CNNM1: variants seen among roughly 807,000 people sequenced by gnomAD.
CNNM1 encodes the protein cyclin and CBS domain divalent metal cation transport mediator 1, also known as metal transporter CNNM1.
Under a neutral mutation model 78.8 loss-of-function variants are expected in CNNM1, and 44 were observed. The ratio of observed to expected loss-of-function variants is 0.56; its 90% CI spans 0.44 to 0.72. CNNM1 has a LOEUF of 0.72. CNNM1 is among the 30% of genes least tolerant of loss of function. The pLI is 0.00. For synonymous variants in CNNM1, 584 were observed against 581.5 expected (o/e 1.00, Z -0.06); for missense variants, 1,101 against 1,292.2 (o/e 0.85, Z 2.27).
At chr10:99,341,560 G>A (rs768189913) in intron 1 of CNNM1, among the ~76,000 whole-genome samples, 1 of 152,158 alleles carries the variant, frequency 6.6e-6, no homozygotes. Context: ...TGGGTGATCT[G>A]AGAAAACTTT....
chr10:99,387,763 C>T (rs1023350305), intron 7 of CNNM1, 57 bp from the exon 8 acceptor site: 63 of 1,485,062 alleles, frequency 4.2e-5, no homozygotes, highest in Non-Finnish European at 5.4e-5. Context: ...GGAAGGCTGG[C>T]TGCATCCGGG....
intron 2 of CNNM1, among the ~76,000 whole-genome samples, chr10:99,357,893 G>A (rs1208684672): frequency 6.6e-6 from 1 of 152,184 alleles, no homozygotes; most frequent in Non-Finnish European, 1.5e-5. Context: ...ACTGAGCCAA[G>A]ACTATGAAAA....
intron 6 of CNNM1, among the ~76,000 whole-genome samples, chr10:99,375,913 C>T (rs542720752): frequency 6.6e-5 from 10 of 152,286 alleles, no homozygotes; most frequent in African/African-American, 2.2e-4. Context: ...GAGTCACCTT[C>T]GGTATCCTGT....
chr10:99,345,088 A>G (rs1224420029), intron 1 of CNNM1, among the ~76,000 whole-genome samples: 2 of 152,236 alleles, frequency 1.3e-5, no homozygotes, highest in East Asian at 3.8e-4. Flanking sequence ...TGGCTCCATC[A>G]CATACTAATA....
chr10:99,373,645 G>A (rs1157995140), intron 6 of CNNM1, among the ~76,000 whole-genome samples: 1 of 152,148 alleles, frequency 6.6e-6, no homozygotes, highest in Non-Finnish European at 1.5e-5. Flanking sequence ...TGAAGTCTGA[G>A]CTTTTAGTGT....
intron 6 of CNNM1, among the ~76,000 whole-genome samples, chr10:99,367,297 A>G (rs542333419): frequency 1.7e-4 from 26 of 152,274 alleles, no homozygotes; most frequent in African/African-American, 6.3e-4. Flanking sequence ...GCCTTTGAGG[A>G]TGAGGAGTGA....
chr10:99,349,643 A>G (rs1229570890), intron 1 of CNNM1, among the ~76,000 whole-genome samples: 1 of 152,208 alleles, frequency 6.6e-6, no homozygotes, highest in Non-Finnish European at 1.5e-5. Context: ...TTTGAGTAGC[A>G]CATGTCAAGA....
At chr10:99,367,913 G>C (rs1198168625) in intron 6 of CNNM1, among the ~76,000 whole-genome samples, 4 of 152,172 alleles carry the variant, frequency 2.6e-5, no homozygotes, top group Admixed American at 2.0e-4. Context: ...GCCCCCCAGT[G>C]ATAGCCAGCA....
chr10:99,343,783 C>T (rs1589888986), intron 1 of CNNM1, among the ~76,000 whole-genome samples: 1 of 152,004 alleles, frequency 6.6e-6, no homozygotes, highest in Non-Finnish European at 1.5e-5. Flanking sequence ...GGCATGGTCT[C>T]GGCTCACTGC....
chr10:99,335,316 G>C (rs2030125698), intron 1 of CNNM1, among the ~76,000 whole-genome samples: 2 of 152,148 alleles, frequency 1.3e-5, no homozygotes, highest in African/African-American at 4.8e-5. Context: ...GTGGGGAAGA[G>C]GAAAATGGTC....
At chr10:99,348,314 G>C (rs1233596630) in intron 1 of CNNM1, among the ~76,000 whole-genome samples, 1 of 152,152 alleles carries the variant, frequency 6.6e-6, no homozygotes, top group Non-Finnish European at 1.5e-5. Flanking sequence ...CCAAAGTGTT[G>C]GGATAATGGG....
At chr10:99,333,537 G>T (rs979293297) in intron 1 of CNNM1, among the ~76,000 whole-genome samples, 5 of 152,110 alleles carry the variant, frequency 3.3e-5, no homozygotes, top group African/African-American at 1.2e-4. Context: ...TAGAGACAGG[G>T]TTTCACCATG....
chr10:99,338,547 AG>A (rs1164145595), intron 1 of CNNM1, among the ~76,000 whole-genome samples: 4 of 152,068 alleles, frequency 2.6e-5, no homozygotes, highest in Non-Finnish European at 5.9e-5. Flanking sequence ...CCAAAGTGCT[AG>A]GATTACAGGT....
chr10:99,344,331 C>T (rs1243722012), intron 1 of CNNM1, among the ~76,000 whole-genome samples: 1 of 22,124 alleles, frequency 4.5e-5, no homozygotes, highest in Non-Finnish European at 1.1e-4. Context: ...GACTCCGTCT[C>T]AAAAAAAAAA....
intron 1 of CNNM1, among the ~76,000 whole-genome samples, chr10:99,342,029 T>G (rs2030480501): frequency 6.6e-6 from 1 of 152,230 alleles, no homozygotes; most frequent in Non-Finnish European, 1.5e-5. Flanking sequence ...TCTTTGAATC[T>G]GCCTCCAGCA....
intron 7 of CNNM1, among the ~76,000 whole-genome samples, chr10:99,378,493 T>C (rs552048443): frequency 2.2e-4 from 33 of 152,304 alleles, no homozygotes; most frequent in Non-Finnish European, 3.8e-4. Flanking sequence ...GCCGGTTTTC[T>C]GTGTTTCAGG....
intron 1 of CNNM1, among the ~76,000 whole-genome samples, chr10:99,341,159 A>C (rs920189858): frequency 2.6e-5 from 4 of 152,208 alleles, no homozygotes; most frequent in Admixed American, 1.3e-4. Flanking sequence ...TGAATCCTAA[A>C]GAACGGTGAG....
At chr10:99,366,051 G>A (rs2031605701) in intron 6 of CNNM1, among the ~76,000 whole-genome samples, 1 of 152,198 alleles carries the variant, frequency 6.6e-6, no homozygotes, top group Non-Finnish European at 1.5e-5. Flanking sequence ...TTTCTAAGTG[G>A]AAATAGTGGA....
intron 1 of CNNM1, among the ~76,000 whole-genome samples, chr10:99,350,235 C>T (rs1282855349): frequency 6.6e-6 from 1 of 152,146 alleles, no homozygotes; most frequent in Admixed American, 6.6e-5. Flanking sequence ...ATGCTGCAAG[C>T]ACACCTGGAA....
Sources: gnomAD v4.1 joint callset for allele counts (sites outside exome capture counted in the v4.1 genomes callset) on GRCh38, gnomAD v4.1.1 for gene constraint, MANE v1.5 for transcripts, NCBI Gene and HGNC (gene_info 2026-07-23, HGNC 2026-07-21) for gene names.